Variants in FOXP1 observed in about 807,000 individuals in gnomAD.
FOXP1 encodes forkhead box P1, also known as forkhead box protein P1.
Under a neutral mutation model 98.2 loss-of-function variants are expected in FOXP1, and 15 were observed. That is an observed-to-expected ratio of 0.15 (90% confidence interval 0.10 to 0.24). FOXP1 has a LOEUF of 0.24. Ranked by LOEUF, FOXP1 falls within the 10% of genes least tolerant of loss-of-function variation. FOXP1 has a pLI of 1.00. For synonymous variants in FOXP1, 371 were observed against 314.5 expected (o/e 1.18, Z -1.90); for missense variants, 633 against 848.5 (o/e 0.75, Z 3.15).
chr3:71,067,562 G>GTCCTC (rs1191986365), intron 7 of FOXP1, among the ~76,000 whole-genome samples: 1 of 152,088 alleles, frequency 6.6e-6, no homozygotes, highest in African/African-American at 2.4e-5. Context: ...ATTGTACAGA[G>GTCCTC]GAGGAAACTG....
intron 2 of FOXP1, among the ~76,000 whole-genome samples, chr3:71,578,613 C>T (rs1324326049): frequency 1.3e-5 from 2 of 152,112 alleles, no homozygotes; most frequent in Admixed American, 6.5e-5. Context: ...AAAGAGGAAG[C>T]TGGGTTCAAA....
chr3:71,048,669 T>C (rs969093287), intron 9 of FOXP1, among the ~76,000 whole-genome samples: 16 of 152,196 alleles, frequency 1.1e-4, no homozygotes, highest in African/African-American at 3.6e-4. Context: ...GTGATAGTTA[T>C]ATTCATGTCA....
At chr3:71,509,499 T>C (rs147767909) in intron 2 of FOXP1, among the ~76,000 whole-genome samples, 37 of 152,242 alleles carry the variant, frequency 2.4e-4, no homozygotes, top group Non-Finnish European at 3.2e-4. Flanking sequence ...TATCTCCAAA[T>C]ACAGTCACAT....
At chr3:71,583,541 T>A (rs1271415133) in intron 1 of FOXP1, 30 bp downstream of exon 1, 1 of 978,458 alleles carries the variant, frequency 1.0e-6, no homozygotes, top group African/African-American at 1.8e-5. Flanking sequence ...TGGGAAAAAG[T>A]GGAGCAGAAA....
chr3:71,225,972 A>C (rs1012187162), intron 5 of FOXP1, among the ~76,000 whole-genome samples: 1 of 152,202 alleles, frequency 6.6e-6, no homozygotes, highest in Non-Finnish European at 1.5e-5. Context: ...ACCAAAAAAA[A>C]CTTTCACTTT....
chr3:71,159,837 AT>A (rs1348708137), intron 6 of FOXP1, among the ~76,000 whole-genome samples: 3 of 152,298 alleles, frequency 2.0e-5, no homozygotes, highest in South Asian at 4.1e-4. Context: ...TTTTCCACTG[AT>A]TTTTTATGAC....
chr3:71,086,759 T>C (rs985602749), intron 7 of FOXP1, among the ~76,000 whole-genome samples: 5 of 152,182 alleles, frequency 3.3e-5, no homozygotes, highest in Non-Finnish European at 7.3e-5. Context: ...AGAAAACCAA[T>C]TTATGTAAAA....
chr3:71,107,308 C>T (rs1221954485), intron 7 of FOXP1, among the ~76,000 whole-genome samples: 2 of 152,130 alleles, frequency 1.3e-5, no homozygotes, highest in Admixed American at 6.5e-5. Flanking sequence ...AGGTGAACTT[C>T]TTGAAGTTCA....
chr3:71,001,478 CAT>C (rs2042118179), intron 12 of FOXP1, among the ~76,000 whole-genome samples: 1 of 152,040 alleles, frequency 6.6e-6, no homozygotes, highest in African/African-American at 2.4e-5. Context: ...ATGATACATC[CAT>C]ATACTGAAAT....
At chr3:71,114,755 C>A (rs867983516) in intron 6 of FOXP1, among the ~76,000 whole-genome samples, 1 of 152,186 alleles carries the variant, frequency 6.6e-6, no homozygotes, top group South Asian at 2.1e-4. Flanking sequence ...AAGGGGCTGT[C>A]TGAGTGGGGC....
intron 2 of FOXP1, among the ~76,000 whole-genome samples, chr3:71,496,384 A>G (rs1235241802): frequency 6.6e-6 from 1 of 152,160 alleles, no homozygotes; most frequent in Non-Finnish European, 1.5e-5. Flanking sequence ...ATCATACTCG[A>G]AGGCTTGGGG....
chr3:71,102,376 G>T (rs2057039762), intron 7 of FOXP1, among the ~76,000 whole-genome samples: 1 of 152,162 alleles, frequency 6.6e-6, no homozygotes, highest in Non-Finnish European at 1.5e-5. Flanking sequence ...CTATATCCAT[G>T]CTATGTTTAT....
At chr3:71,057,660 A>C (rs1197858652) in intron 7 of FOXP1, among the ~76,000 whole-genome samples, 3 of 152,156 alleles carry the variant, frequency 2.0e-5, no homozygotes, top group Non-Finnish European at 4.4e-5. Flanking sequence ...GAATGCTAGC[A>C]TACAAAACTG....
chr3:71,297,557 A>G (rs1194519235), intron 5 of FOXP1, among the ~76,000 whole-genome samples: 1 of 150,224 alleles, frequency 6.7e-6, no homozygotes, highest in Non-Finnish European at 1.5e-5. Context: ...AGCTGTATGG[A>G]TAAGGCAACT....
intron 2 of FOXP1, among the ~76,000 whole-genome samples, chr3:71,534,090 G>A (rs1429246171): frequency 3.3e-5 from 5 of 152,198 alleles, no homozygotes; most frequent in Admixed American, 6.5e-5. Flanking sequence ...GCAGCTGTGC[G>A]CGGTGGCAAA....
At chr3:71,264,146 T>G (rs2069422282) in intron 5 of FOXP1, among the ~76,000 whole-genome samples, 1 of 152,114 alleles carries the variant, frequency 6.6e-6, no homozygotes, top group Non-Finnish European at 1.5e-5. Flanking sequence ...AGTCCAGAGT[T>G]TTAGGGTAAG....
intron 17 of FOXP1, 59 bp downstream of exon 17, chr3:70,976,882 A>G (rs1361271780): frequency 3.2e-6 from 4 of 1,268,534 alleles, no homozygotes; most frequent in Non-Finnish European, 4.6e-6. Context: ...CATTTTATCA[A>G]CAACAAACTG....
chr3:70,981,023 A>T (rs2038738042), intron 14 of FOXP1, among the ~76,000 whole-genome samples: 1 of 152,122 alleles, frequency 6.6e-6, no homozygotes, highest in Admixed American at 6.5e-5. Context: ...ACTGAGTTCC[A>T]GTTTCATTGT....
At chr3:71,167,786 T>C (rs149765480) in intron 6 of FOXP1, among the ~76,000 whole-genome samples, 240 of 152,352 alleles carry the variant, frequency 1.6e-3, no homozygotes, top group African/African-American at 5.6e-3. Context: ...TGGCGGTCCA[T>C]GGGTACAATG....
Sources: allele counts gnomAD v4.1 joint callset (sites outside exome capture counted in the v4.1 genomes callset), GRCh38; gene constraint gnomAD v4.1.1; transcripts MANE v1.5; gene names NCBI Gene and HGNC (gene_info 2026-07-23, HGNC 2026-07-21).